Variants in ST7L observed in about 807,000 individuals in gnomAD.
ST7L encodes the protein suppression of tumorigenicity 7 like.
ST7L carries 57 observed loss-of-function variants against 72.5 expected under a neutral mutation model. The ratio of observed to expected loss-of-function variants is 0.79; its 90% CI spans 0.64 to 0.98. ST7L has a LOEUF of 0.98. ST7L is among the 50% of genes least tolerant of loss of function. ST7L has a pLI of 0.00. For synonymous variants in ST7L, 221 were observed against 240.9 expected, an observed-to-expected ratio of 0.92 and a Z score of 0.77; for missense variants, 576 against 672.2, an observed-to-expected ratio of 0.86 and a Z score of 1.58.
chr1:112,560,626 T>A (rs1425112671), intron 11 of ST7L, among the ~76,000 whole-genome samples: 1 of 152,148 alleles, frequency 6.6e-6, no homozygotes, highest in East Asian at 1.9e-4. Context: ...ATCCTTAAAA[T>A]TCTACTACCA....
At chr1:112,606,420 A>G (rs1367485452) in intron 3 of ST7L, among the ~76,000 whole-genome samples, 1 of 152,184 alleles carries the variant, frequency 6.6e-6, no homozygotes, top group African/African-American at 2.4e-5. Context: ...CAGTTCAGCC[A>G]GTTCTTTTCC....
intron 14 of ST7L, among the ~76,000 whole-genome samples, chr1:112,536,375 G>C (rs1570887684): frequency 6.6e-6 from 1 of 151,710 alleles, no homozygotes; most frequent in East Asian, 1.9e-4. Flanking sequence ...TTTTCAATTG[G>C]TATACATTAA....
At chr1:112,539,609 T>G (rs1173014709) in intron 14 of ST7L, 1 of 780,238 alleles carries the variant, frequency 1.3e-6, no homozygotes, top group Admixed American at 7.1e-5. Context: ...TGAGCTGAGA[T>G]CACGCCATTG....
At chr1:112,605,700 AAG>A (rs1195554977) in intron 3 of ST7L, among the ~76,000 whole-genome samples, 1 of 152,016 alleles carries the variant, frequency 6.6e-6, no homozygotes, top group African/African-American at 2.4e-5. Context: ...AAAAAAAAAA[AAG>A]AGAAAAAGCT....
chr1:112,609,806 C>A (rs1257100540), intron 3 of ST7L, among the ~76,000 whole-genome samples: 1 of 152,044 alleles, frequency 6.6e-6, no homozygotes, highest in Non-Finnish European at 1.5e-5. Flanking sequence ...TGGCAACAGA[C>A]AAGATTCTGT....
At chr1:112,617,972 CA>C in intron 1 of ST7L, 1 of 1,302,878 alleles carries the variant, frequency 7.7e-7, no homozygotes, top group Non-Finnish European at 1.0e-6. Context: ...ACCTATCCTC[CA>C]AAAAAACCAA....
intron 11 of ST7L, among the ~76,000 whole-genome samples, chr1:112,564,056 T>C (rs1293843583): frequency 2.6e-5 from 4 of 152,216 alleles, no homozygotes; most frequent in South Asian, 4.1e-4. Flanking sequence ...TTCTATGAGA[T>C]TGGACAGGCA....
At chr1:112,553,407 C>G (rs1557968456) in intron 12 of ST7L, among the ~76,000 whole-genome samples, 1 of 152,152 alleles carries the variant, frequency 6.6e-6, no homozygotes, top group Non-Finnish European at 1.5e-5. Flanking sequence ...TTGTCATTGT[C>G]AAGCCACAGT....
At chr1:112,595,753 T>C (rs561671124) in intron 5 of ST7L, among the ~76,000 whole-genome samples, 1 of 152,326 alleles carries the variant, frequency 6.6e-6, no homozygotes, top group South Asian at 2.1e-4. Context: ...GTAGTGGGTA[T>C]TAAATCATTT....
intron 11 of ST7L, among the ~76,000 whole-genome samples, chr1:112,561,834 T>C (rs1387956470): frequency 6.6e-6 from 1 of 152,118 alleles, no homozygotes; most frequent in Non-Finnish European, 1.5e-5. Flanking sequence ...TTTCATAATA[T>C]AGTAAATACA....
At chr1:112,536,768 C>CATCAAA (rs1655276061) in intron 14 of ST7L, among the ~76,000 whole-genome samples, 1 of 152,100 alleles carries the variant, frequency 6.6e-6, no homozygotes, top group South Asian at 2.1e-4. Flanking sequence ...TCATCATTGG[C>CATCAAA]ATGTCCAACC....
chr1:112,568,935 G>C (rs1661600983), intron 11 of ST7L, among the ~76,000 whole-genome samples: 1 of 143,462 alleles, frequency 7.0e-6, no homozygotes, highest in Non-Finnish European at 1.5e-5. Flanking sequence ...TCTGTCCAAA[G>C]AAAAAACACA....
chr1:112,581,796 CA>C (rs1198693853), intron 9 of ST7L, among the ~76,000 whole-genome samples, 195 bp downstream of exon 9: 4 of 152,226 alleles, frequency 2.6e-5, no homozygotes, highest in Non-Finnish European at 4.4e-5. Context: ...TAAATCTTGA[CA>C]GAAGAAAAGT....
chr1:112,569,957 C>CAAAAA (rs750153250), intron 11 of ST7L, among the ~76,000 whole-genome samples: 2 of 73,364 alleles, frequency 2.7e-5, no homozygotes, highest in Non-Finnish European at 5.3e-5. Context: ...GATTCTGTCT[C>CAAAAA]AAAAAAAAAA....
At chr1:112,615,662 G>C (rs1226086465) in intron 2 of ST7L, among the ~76,000 whole-genome samples, 1 of 152,164 alleles carries the variant, frequency 6.6e-6, no homozygotes, top group Admixed American at 6.5e-5. Flanking sequence ...TCTGGCCTGG[G>C]CAACGTAGTG....
Position 112,618,959 on chromosome 1 carries a change from AGCCCCAGCCCCGCCACGAACCACAACGAG to A in ST7L, c.126_154del (p.Ser43AlafsTer12), listed in dbSNP as rs1347616367. On this transcript the variant is annotated frameshift_variant, in exon 1 of 15. Coordinates refer to ENST00000358039, the MANE Select transcript of ST7L (RefSeq NM_017744.5). LOFTEE classifies it high-confidence loss of function. ...CAAAGGGATCCTCAGGGCGTAAAGCAGCCCCAGCCCCGCCACGAACCACAACGAGGCCCCAGTCCCCGCCAGCCCGGCCC... is the reference window on the plus strand; with the variant it reads ...CAAAGGGATCCTCAGGGCGTAAAGCAGCCCCAGTCCCCGCCAGCCCGGCCC... 6.3e-7 allele frequency: 1 copy of A among 1,598,134 alleles called. No homozygotes were observed. The highest frequency in any genetic ancestry group is 8.5e-7 in the Non-Finnish European group (1 of 1,172,416).
intron 2 of ST7L, among the ~76,000 whole-genome samples, chr1:112,613,093 T>G (rs562158584): frequency 7.2e-5 from 11 of 151,798 alleles, no homozygotes; most frequent in African/African-American, 2.7e-4. Context: ...CACTCCAGCC[T>G]GGGTGACAGA....
chr1:112,520,017 T>C (rs925633195), downstream of ST7L, among the ~76,000 whole-genome samples: 3 of 151,830 alleles, frequency 2.0e-5, no homozygotes, highest in Non-Finnish European at 4.4e-5. Context: ...GACTACAGGC[T>C]CATGCCCATG....
intron 6 of ST7L, among the ~76,000 whole-genome samples, chr1:112,585,702 C>T (rs1039339601): frequency 3.4e-5 from 5 of 148,368 alleles, no homozygotes; most frequent in Non-Finnish European, 4.4e-5. Context: ...CACTGCACTC[C>T]AGCCTGGGTG....
Sources: allele counts gnomAD v4.1 joint callset (sites outside exome capture counted in the v4.1 genomes callset), GRCh38; gene constraint gnomAD v4.1.1; transcripts MANE v1.5; gene names NCBI Gene and HGNC (gene_info 2026-07-23, HGNC 2026-07-21).